Variants in CNTNAP2 observed in about 807,000 individuals in gnomAD.
The protein encoded by CNTNAP2 is contactin associated protein 2.
In CNTNAP2, 98 loss-of-function variants were observed where a neutral mutation model predicts 155.2. The ratio of observed to expected loss-of-function variants is 0.63; its 90% CI spans 0.54 to 0.75. CNTNAP2 has a LOEUF of 0.75. Ranked by LOEUF, CNTNAP2 falls within the 30% of genes least tolerant of loss-of-function variation. The pLI, the probability that CNTNAP2 is intolerant of heterozygous loss-of-function variation, is 0.00. For missense variants in CNTNAP2, 1,727 were observed against 1,688.1 expected (o/e 1.02, Z -0.40); for synonymous variants, 651 against 631.2 (o/e 1.03, Z -0.47).
At chr7:147,657,013 G>C (rs985633625) in intron 13 of CNTNAP2, among the ~76,000 whole-genome samples, 1 of 152,074 alleles carries the variant, frequency 6.6e-6, no homozygotes, top group East Asian at 1.9e-4. Flanking sequence ...ACACACACTC[G>C]TGGTTTCAAA....
At chr7:147,308,386 G>C (rs866944040) in intron 9 of CNTNAP2, among the ~76,000 whole-genome samples, 1 of 152,196 alleles carries the variant, frequency 6.6e-6, no homozygotes, top group African/African-American at 2.4e-5. Flanking sequence ...AGGGAGAACA[G>C]TGGCAACTAT....
At chr7:147,034,962 G>A (rs180767396) in intron 3 of CNTNAP2, among the ~76,000 whole-genome samples, 7 of 109,628 alleles carry the variant, frequency 6.4e-5, no homozygotes, top group African/African-American at 2.6e-4. Flanking sequence ...ACTTAGTTCC[G>A]TGGGCACAGG....
chr7:146,883,096 C>T (rs1434760415), intron 3 of CNTNAP2, among the ~76,000 whole-genome samples: 1 of 152,072 alleles, frequency 6.6e-6, no homozygotes, highest in Non-Finnish European at 1.5e-5. Flanking sequence ...TACATAGGTA[C>T]CGTAACTGTA....
intron 14 of CNTNAP2, among the ~76,000 whole-genome samples, chr7:147,909,250 A>C (rs1360447136): frequency 6.6e-6 from 1 of 152,082 alleles, no homozygotes; most frequent in Non-Finnish European, 1.5e-5. Flanking sequence ...TTTTTTTAAT[A>C]TTGTTTTTAT....
chr7:146,943,594 T>A (rs1797099250), intron 3 of CNTNAP2, among the ~76,000 whole-genome samples: 1 of 152,214 alleles, frequency 6.6e-6, no homozygotes, highest in South Asian at 2.1e-4. Flanking sequence ...GTTTACAAGG[T>A]GAATTGTTGG....
At chr7:146,364,913 G>C (rs1795133998) in intron 1 of CNTNAP2, among the ~76,000 whole-genome samples, 1 of 152,096 alleles carries the variant, frequency 6.6e-6, no homozygotes. Context: ...GTGTGTGTTT[G>C]TTAAATATTT....
At chr7:147,133,571 T>C (rs756103300) in intron 8 of CNTNAP2, among the ~76,000 whole-genome samples, 1 of 152,036 alleles carries the variant, frequency 6.6e-6, no homozygotes, top group Non-Finnish European at 1.5e-5. Context: ...GGGACCATGC[T>C]CCTTTTTCTT....
At chr7:146,487,387 A>T (rs1797072858) in intron 1 of CNTNAP2, among the ~76,000 whole-genome samples, 1 of 152,254 alleles carries the variant, frequency 6.6e-6, no homozygotes, top group South Asian at 2.1e-4. Context: ...AAATGAAATC[A>T]TTGCAAACAT....
intron 1 of CNTNAP2, among the ~76,000 whole-genome samples, chr7:146,170,346 T>C (rs1241418786): frequency 6.6e-6 from 1 of 152,168 alleles, no homozygotes; most frequent in East Asian, 1.9e-4. Flanking sequence ...AGATTTCTGA[T>C]GAAACTTTGC....
intron 1 of CNTNAP2, among the ~76,000 whole-genome samples, chr7:146,460,939 A>T (rs1392326770): frequency 1.3e-5 from 2 of 152,166 alleles, no homozygotes; most frequent in Non-Finnish European, 2.9e-5. Context: ...ATATGTAATC[A>T]TGTATTATGC....
chr7:147,915,033 C>A (rs1048019164), intron 14 of CNTNAP2, among the ~76,000 whole-genome samples: 4 of 152,024 alleles, frequency 2.6e-5, no homozygotes, highest in African/African-American at 9.7e-5. Flanking sequence ...ACACATTTAA[C>A]CTGATCAATT....
At chr7:146,618,874 A>G (rs780671215) in intron 1 of CNTNAP2, among the ~76,000 whole-genome samples, 7 of 152,220 alleles carry the variant, frequency 4.6e-5, no homozygotes, top group South Asian at 4.1e-4. Flanking sequence ...GTTCAAGACC[A>G]GCCTGGCCAA....
chr7:147,302,812 G>A (rs948440480), intron 9 of CNTNAP2, among the ~76,000 whole-genome samples: 2 of 152,170 alleles, frequency 1.3e-5, no homozygotes, highest in Non-Finnish European at 1.5e-5. Context: ...TGCCCCCAGA[G>A]GGCAAAAGAA....
At chr7:147,908,644 C>T (rs919173263) in intron 14 of CNTNAP2, among the ~76,000 whole-genome samples, 2 of 152,182 alleles carry the variant, frequency 1.3e-5, no homozygotes, top group African/African-American at 2.4e-5. Flanking sequence ...TCTCCAAACA[C>T]AGAGAAGGGC....
chr7:147,501,000 C>T (rs1798800246), intron 11 of CNTNAP2, among the ~76,000 whole-genome samples: 2 of 152,054 alleles, frequency 1.3e-5, no homozygotes, highest in South Asian at 4.2e-4. Flanking sequence ...AGCAGCAAAC[C>T]AAGTTCTACA....
At chr7:146,500,331 G>A (rs1005355343) in intron 1 of CNTNAP2, among the ~76,000 whole-genome samples, 2 of 152,188 alleles carry the variant, frequency 1.3e-5, no homozygotes, top group Admixed American at 6.5e-5. Flanking sequence ...TGCTACAGTC[G>A]AGGAGATGGG....
chr7:148,028,871 G>T (rs34842703), intron 15 of CNTNAP2, among the ~76,000 whole-genome samples: 1 of 152,030 alleles, frequency 6.6e-6, no homozygotes, highest in Admixed American at 6.6e-5. Context: ...GATGGCTCTC[G>T]GTTCCCCTAT....
chr7:148,304,894 T>A (rs1797461156), intron 21 of CNTNAP2, among the ~76,000 whole-genome samples: 1 of 152,094 alleles, frequency 6.6e-6, no homozygotes. Context: ...TACATCATCA[T>A]GCTTTTCATA....
chr7:147,851,050 T>C (rs1475268922), intron 13 of CNTNAP2, among the ~76,000 whole-genome samples: 1 of 152,198 alleles, frequency 6.6e-6, no homozygotes, highest in African/African-American at 2.4e-5. Flanking sequence ...ATCCAGAATC[T>C]ATAAAGAACT....
Sources: gnomAD v4.1 joint callset for allele counts (sites outside exome capture counted in the v4.1 genomes callset) on GRCh38, gnomAD v4.1.1 for gene constraint, MANE v1.5 for transcripts, NCBI Gene and HGNC (gene_info 2026-07-23, HGNC 2026-07-21) for gene names.